Variants in OGT observed in about 807,000 individuals in gnomAD.
OGT encodes the protein UDP-N-acetylglucosamine--peptide N-acetylglucosaminyltransferase 110 kDa subunit.
OGT carries 3 observed loss-of-function variants against 75.8 expected under a neutral mutation model. The ratio of observed to expected loss-of-function variants is 0.04; its 90% CI spans 0.02 to 0.10. The LOEUF is 0.10. OGT is among the 10% of genes least tolerant of loss of function. The probability of loss-of-function intolerance (pLI) is 1.00; values close to 1 mark genes in which losing one functional copy is unlikely to be tolerated. For missense variants in OGT, 260 were observed against 824.4 expected (o/e 0.32, Z 8.38); for synonymous variants, 257 against 289.7 (o/e 0.89, Z 1.15).
intron 5 of OGT, among the ~76,000 whole-genome samples, chrX:71,550,656 G>A (rs1296221693): frequency 8.9e-6 from 1 of 112,068 alleles, no homozygotes; most frequent in Non-Finnish European, 1.9e-5. Context: ...TGTATAGTTT[G>A]CAAATGCTTT....
chrX:71,563,269 C>T (rs368085733), intron 17 of OGT, 23 bp downstream of exon 17: 17 of 1,196,886 alleles, frequency 1.4e-5, no homozygotes, highest in Non-Finnish European at 1.8e-5. Context: ...TCAGTATTGT[C>T]ATTGAAATAA....
At chrX:71,550,993 C>G (rs370414695) in intron 5 of OGT, among the ~76,000 whole-genome samples, 1 of 110,873 alleles carries the variant, frequency 9.0e-6, no homozygotes, top group South Asian at 3.8e-4. Context: ...GCATGGTGAC[C>G]ACAGTTGTTA....
At chrX:71,569,259 C>T (rs931955103) in intron 21 of OGT, among the ~76,000 whole-genome samples, 1 of 111,844 alleles carries the variant, frequency 8.9e-6, no homozygotes, top group Non-Finnish European at 1.9e-5. Context: ...GCCCAGGAGA[C>T]GGAGCTTGCA....
At position 71,575,380 on chromosome X, in the gene OGT, CAAAGG is replaced by C. The variant is rs2040489555; in HGVS notation, c.*1587_*1591del. On this transcript the variant is annotated 3_prime_UTR_variant, in exon 22 of 22. Transcript: ENST00000373719. Reference sequence around the variant, plus strand: ...TAACCAAATTTTGAGCAAGGAGTCTCAAAGGTAATTCTGAACCAGAATTACATGTT... The same window carrying C: ...TAACCAAATTTTGAGCAAGGAGTCTCTAATTCTGAACCAGAATTACATGTT... 4 of 112,322 alleles carry C rather than the reference CAAAGG, an allele frequency of 3.6e-5. No homozygotes were observed. Among genetic ancestry groups the C allele is most frequent in the African/African-American group, 1.3e-4 (4 of 30,823 alleles). 9.3% of individuals were successfully genotyped at this position (112,322 alleles called of 1,213,427 possible).
At position 71,544,647 on chromosome X, in the gene OGT, A is replaced by G; in HGVS notation, c.531+12A>G. 8.4e-7 allele frequency: 1 copy of G among 1,184,016 alleles called. No homozygotes were observed. The highest frequency in any genetic ancestry group is 1.1e-6 in the Non-Finnish European group (1 of 872,060). Reference sequence around the variant, plus strand: ...TGGAAGAAGCCAAGGTAGGTGTTTGATAGAACACATTTAAACATCAGTATT... The same window carrying G: ...TGGAAGAAGCCAAGGTAGGTGTTTGGTAGAACACATTTAAACATCAGTATT... On this transcript the variant is annotated intron_variant, in intron 4 of 21. Transcript: ENST00000373719.
At chrX:71,559,163 CT>C in intron 12 of OGT, 103 bp from the exon 13 acceptor site, 5 of 744,670 alleles carry the variant, frequency 6.7e-6, no homozygotes, top group African/African-American at 2.1e-5. Flanking sequence ...CTGGGCAGAC[CT>C]TTTTCAACAG....
intron 21 of OGT, among the ~76,000 whole-genome samples, chrX:71,572,001 C>T (rs774310530): frequency 5.5e-5 from 6 of 108,724 alleles, no homozygotes; most frequent in Non-Finnish European, 9.6e-5. Context: ...GATCTCCTGA[C>T]CTTGTGATCC....
rs1211703806 is a variant in OGT at position 71,543,733 on chromosome X, G to GGT, written c.463-834_463-833insGT. 7.9e-4 allele frequency among the ~76,000 whole-genome samples: 69 copies of GGT among 87,889 alleles called. 2 individuals are homozygous for GGT. Among genetic ancestry groups the GGT allele is most frequent in the South Asian group, 4.0e-3 (6 of 1,502 alleles). 76.3% of individuals were successfully genotyped at this position (87,889 alleles called of 115,157 possible). A position where few individuals can be genotyped will look rare whatever the true frequency, so the allele number is the denominator to read the frequency against. ...ATAACATAGTTGGACAAATATTTGA[G>GGT]ATGTGTGTGTGTGTGTGTGTGTGTG... is the stretch of plus-strand genomic sequence containing the variant. On this transcript the variant is annotated intron_variant, in intron 3 of 21. Coordinates refer to ENST00000373719, the MANE Select transcript of OGT (RefSeq NM_181672.3).
At chrX:71,537,217 A>G (rs968272662) in intron 2 of OGT, 3 of 116,546 alleles carry the variant, frequency 2.6e-5, no homozygotes, top group African/African-American at 9.9e-5. Flanking sequence ...ATCTGCTCGC[A>G]TTGGCTTCCC....
In OGT at chrX:71,547,278, T is replaced by C. The variant is rs186446784; in HGVS notation, c.532-629T>C. ...GTTTTGATGTTAGTGAGGAACATTG[T>C]TGAAGAGCAGCATTTCCCAAAATGT... On this transcript the variant is annotated intron_variant, in intron 4 of 21. Coordinates refer to ENST00000373719, the MANE Select transcript of OGT (RefSeq NM_181672.3). 1,203 of 750,920 alleles carry C rather than the reference T, an allele frequency of 1.6e-3. 2 individuals are homozygous for C. Among genetic ancestry groups the C allele is most frequent in the Middle Eastern group, 4.6e-3 (6 of 1,318 alleles). 61.9% of individuals were successfully genotyped at this position (750,920 alleles called of 1,213,427 possible).
intron 3 of OGT, among the ~76,000 whole-genome samples, chrX:71,543,766 GTA>G (rs397895363): frequency 0.041 from 3,198 of 78,135 alleles, 133 homozygotes; most frequent in African/African-American, 0.11. Flanking sequence ...GTGTGTGTGT[GTA>G]TATATATATA....
chrX:71,555,411 G>C (rs1358977381), intron 7 of OGT, 26 bp downstream of exon 7: 1 of 1,169,776 alleles, frequency 8.5e-7, no homozygotes, highest in African/African-American at 1.8e-5. Flanking sequence ...CATTCTATTT[G>C]TTATCTGGTA....
chrX:71,553,864 A>T (rs2040325186), intron 5 of OGT, among the ~76,000 whole-genome samples: 1 of 111,736 alleles, frequency 8.9e-6, no homozygotes, highest in Non-Finnish European at 1.9e-5. Flanking sequence ...ATACATGAGG[A>T]GCTTATAAAA....
At chrX:71,564,148 G>A (rs778739078) in intron 18 of OGT, among the ~76,000 whole-genome samples, 71 of 111,826 alleles carry the variant, frequency 6.3e-4, no homozygotes, top group Non-Finnish European at 1.2e-3. Context: ...TGCACACCTG[G>A]AATAGTTATA....
intron 19 of OGT, among the ~76,000 whole-genome samples, chrX:71,564,983 C>G (rs1217110027): frequency 9.0e-6 from 1 of 110,953 alleles, no homozygotes; most frequent in African/African-American, 3.3e-5. Context: ...ATTGCAAAAC[C>G]CCGTCTCTAT....
At position 71,547,933 on chromosome X, in the gene OGT, G is replaced by A; in HGVS notation, c.558G>A (p.Thr186=). The A allele has an allele frequency of 1.7e-6, 2 of 1,205,768 alleles. No individual in the cohort carries two copies. The highest frequency in any genetic ancestry group is 1.8e-5 in the African/African-American group (1 of 56,740). The change falls in exon 5 of 22, where the codon ACG becomes ACA. Residue 186 remains threonine (T), a synonymous_variant. Coordinates refer to ENST00000373719, the MANE Select transcript of OGT (RefSeq NM_181672.3). The stretch of plus-strand genomic sequence containing the variant: ...CATGTTATTTGAAAGCAATTGAGAC[G>A]CAACCGAACTTTGCAGTAGCTTGGA... ...AKACYLKAIE[T]QPNFAVAWSN...
Position 71,562,833 on chromosome X carries a change from C to T in OGT, c.1978-14C>T, listed in dbSNP as rs760738205. ...TAAAAGTTCTTAATCAGTTTTTGAT[C>T]TGATTTTTTTAAGGCAATGTGGCTG... On this transcript the variant is annotated splice_polypyrimidine_tract_variant and intron_variant, in intron 15 of 21. Transcript: ENST00000373719. 6.0e-6 allele frequency: 7 copies of T among 1,174,122 alleles called. No individual in the cohort carries two copies. The highest frequency in any genetic ancestry group is 1.1e-6 in the Non-Finnish European group (1 of 872,543).
intron 21 of OGT, among the ~76,000 whole-genome samples, chrX:71,569,196 C>T (rs982801089): frequency 4.9e-4 from 55 of 111,289 alleles, no homozygotes; most frequent in African/African-American, 1.6e-3. Context: ...GGCATGGTGG[C>T]GGGCGTCTGT....
At position 71,567,866 on chromosome X, in the gene OGT, A is replaced by G. The variant is rs369394308; in HGVS notation, c.2842+114A>G. ...TAGGAGCAACATTAAAGGAAAGGTGATAGAAAGTGAGACTTGTTCTCACTT... is the reference window on the plus strand; with the variant it reads ...TAGGAGCAACATTAAAGGAAAGGTGGTAGAAAGTGAGACTTGTTCTCACTT... On this transcript the variant is annotated intron_variant, in intron 20 of 21. Coordinates refer to ENST00000373719, the MANE Select transcript of OGT (RefSeq NM_181672.3). 8 of 1,073,783 alleles carry G rather than the reference A, an allele frequency of 7.5e-6. No homozygotes were observed. The South Asian group carries it at 1.1e-4, about 15-fold the overall frequency. 88.5% of individuals were successfully genotyped at this position (1,073,783 alleles called of 1,213,427 possible). A position where few individuals can be genotyped will look rare whatever the true frequency, so the allele number is the denominator to read the frequency against.
Sources: allele counts gnomAD v4.1 joint callset (sites outside exome capture counted in the v4.1 genomes callset), GRCh38; gene constraint gnomAD v4.1.1; transcripts MANE v1.5; gene names NCBI Gene and HGNC (gene_info 2026-07-23, HGNC 2026-07-21).